The following SLC14A2 variants were observed in gnomAD, a reference collection of about 807,000 sequenced individuals.
SLC14A2 encodes the protein solute carrier family 14 member 2.
In SLC14A2, 91 loss-of-function variants were observed where a neutral mutation model predicts 104.6. That is an observed-to-expected ratio of 0.87 (90% CI 0.73 to 1.04). The LOEUF is 1.04. Ranked by LOEUF, SLC14A2 falls within the 50% of genes least tolerant of loss-of-function variation. The pLI, the probability that SLC14A2 is intolerant of heterozygous loss-of-function variation, is 0.00. For missense variants in SLC14A2, 1,189 were observed against 1,156.0 expected, an observed-to-expected ratio of 1.03 and a Z score of -0.41; for synonymous variants, 476 against 466.4, an observed-to-expected ratio of 1.02 and a Z score of -0.27.
chr18:45,545,213 G>T (rs1388809234), intron 2 of SLC14A2, among the ~76,000 whole-genome samples: 1 of 152,208 alleles, frequency 6.6e-6, no homozygotes, highest in Non-Finnish European at 1.5e-5. Flanking sequence ...CTGCCCAGTG[G>T]TTATAAATAA....
At position 45,227,048 on chromosome 18, in the gene SLC14A2, A is replaced by G. The variant is rs554584226; in HGVS notation, c.-125+13857A>G. Among the ~76,000 whole-genome samples, 10 of 152,198 alleles carry G rather than the reference A, an allele frequency of 6.6e-5. No individual in the cohort carries two copies. The South Asian group carries it at 2.1e-3, about 32-fold the overall frequency. On this transcript the variant is annotated intron_variant, in intron 1 of 20. Coordinates refer to the SLC14A2 transcript ENST00000586448. Reference sequence around the variant, plus strand: ...TTACATCTGTATTCAAGGCAGGAAGAAGGAAAGGAGAAAAAGTTGGTGCCA... The same window carrying G: ...TTACATCTGTATTCAAGGCAGGAAGGAGGAAAGGAGAAAAAGTTGGTGCCA...
At chr18:45,186,399 T>A in the SLC14A2 span, among the ~76,000 whole-genome samples, 2 of 151,532 alleles carry the variant, frequency 1.3e-5, no homozygotes, top group Non-Finnish European at 2.9e-5. Context: ...AACAACTGAA[T>A]ATTTGTAGGC....
At chr18:45,345,937 A>T (rs2085443468) in intron 1 of SLC14A2, among the ~76,000 whole-genome samples, 1 of 152,300 alleles carries the variant, frequency 6.6e-6, no homozygotes. Context: ...CTAACAGTAA[A>T]TGAGAGTTCC....
rs375241042 is a variant in SLC14A2 at position 45,549,545 on chromosome 18, G to A, written c.-35+66223G>A. On this transcript the variant is annotated intron_variant, in intron 2 of 20. Transcript: ENST00000586448. ...GGGAAGAAATCCGTTCTACCTCACC[G>A]CTTTCCACCTCTGCCCCAGTGGAGT... 1.2e-4 allele frequency among the ~76,000 whole-genome samples: 18 copies of A among 152,316 alleles called. No individual in the cohort carries two copies. In the East Asian group the frequency reaches 2.5e-3, roughly 21 times the overall value.
chr18:45,385,497 G>C (rs754831795), intron 1 of SLC14A2, among the ~76,000 whole-genome samples: 25 of 152,154 alleles, frequency 1.6e-4, no homozygotes, highest in Non-Finnish European at 3.2e-4. Context: ...GGAGAAACCA[G>C]GTTGTTTCTA....
At chr18:45,224,958 G>A (rs1449700096) in intron 1 of SLC14A2, among the ~76,000 whole-genome samples, 1 of 152,158 alleles carries the variant, frequency 6.6e-6, no homozygotes, top group African/African-American at 2.4e-5. Flanking sequence ...TCACTCTGAT[G>A]GTAGTTTCTT....
chr18:45,226,308 C>T (rs1012682652), intron 1 of SLC14A2, among the ~76,000 whole-genome samples: 1 of 152,126 alleles, frequency 6.6e-6, no homozygotes, highest in Admixed American at 6.5e-5. Context: ...ACCCAGCCAT[C>T]CCATTACTGG....
intron 2 of SLC14A2, among the ~76,000 whole-genome samples, chr18:45,548,625 A>G (rs1255686564): frequency 6.6e-6 from 1 of 152,076 alleles, no homozygotes; most frequent in Non-Finnish European, 1.5e-5. Context: ...GATTGCTTGA[A>G]CCCAGGTGTT....
chr18:45,340,887 C>T (rs1028555491), intron 1 of SLC14A2, among the ~76,000 whole-genome samples: 1 of 152,146 alleles, frequency 6.6e-6, no homozygotes, highest in African/African-American at 2.4e-5. Flanking sequence ...AACCTGCAAC[C>T]CCAAAGGGTG....
intron 10 of SLC14A2, among the ~76,000 whole-genome samples, chr18:45,645,238 G>A (rs1416870876): frequency 1.3e-5 from 2 of 152,082 alleles, no homozygotes; most frequent in Non-Finnish European, 2.9e-5. Flanking sequence ...GTGTATATGT[G>A]CCACATTTTC....
At chr18:45,387,699 T>C (rs1035833330) in intron 1 of SLC14A2, among the ~76,000 whole-genome samples, 1 of 152,206 alleles carries the variant, frequency 6.6e-6, no homozygotes. Flanking sequence ...CGAACTTTAT[T>C]TCTCTCATGT....
chr18:45,329,029 G>T (rs574337075), intron 1 of SLC14A2, among the ~76,000 whole-genome samples: 1 of 152,162 alleles, frequency 6.6e-6, no homozygotes, highest in Non-Finnish European at 1.5e-5. Flanking sequence ...CAGAGCTGGA[G>T]AAAACTGTGA....
At chr18:45,500,572 G>A (rs1356726882) in intron 2 of SLC14A2, among the ~76,000 whole-genome samples, 3 of 76,772 alleles carry the variant, frequency 3.9e-5, no homozygotes, top group Non-Finnish European at 7.4e-5. Flanking sequence ...GCGAGACTCC[G>A]TCTCAAAAAA....
chr18:45,257,492 A>T (rs1225853266), intron 1 of SLC14A2, among the ~76,000 whole-genome samples: 2 of 152,236 alleles, frequency 1.3e-5, no homozygotes, highest in African/African-American at 4.8e-5. Flanking sequence ...GCTATTGGCC[A>T]GCAAGAAGAA....
intron 1 of SLC14A2, among the ~76,000 whole-genome samples, chr18:45,378,999 T>A (rs1244833325): frequency 6.6e-6 from 1 of 152,162 alleles, no homozygotes; most frequent in Non-Finnish European, 1.5e-5. Context: ...TAGTAAATGA[T>A]CAAATAAAAA....
At chr18:45,508,079 A>G (rs1286997158) in intron 2 of SLC14A2, among the ~76,000 whole-genome samples, 2 of 152,228 alleles carry the variant, frequency 1.3e-5, no homozygotes, top group African/African-American at 4.8e-5. Context: ...AAACATCATC[A>G]TCCAACATGC....
chr18:45,186,334 G>A, the SLC14A2 span, among the ~76,000 whole-genome samples: 15 of 152,180 alleles, frequency 9.9e-5, no homozygotes, highest in African/African-American at 3.4e-4. Flanking sequence ...TTGCACAAGG[G>A]TGCAAAAGCA....
chr18:45,525,801 C>T (rs2144818985), intron 2 of SLC14A2, among the ~76,000 whole-genome samples: 1 of 152,228 alleles, frequency 6.6e-6, no homozygotes, highest in African/African-American at 2.4e-5. Context: ...ATAGCAACTC[C>T]CCATTTACAG....
intron 1 of SLC14A2, among the ~76,000 whole-genome samples, chr18:45,255,961 T>A (rs749593951): frequency 2.0e-5 from 3 of 152,100 alleles, no homozygotes; most frequent in African/African-American, 7.2e-5. Flanking sequence ...CTTAAAAGAC[T>A]AAGCCTTTTG....
Sources: allele counts gnomAD v4.1 joint callset (sites outside exome capture counted in the v4.1 genomes callset), GRCh38; gene constraint gnomAD v4.1.1; transcripts MANE v1.5; gene names NCBI Gene and HGNC (gene_info 2026-07-23, HGNC 2026-07-21).